Variants in TBC1D31 observed in about 807,000 individuals in gnomAD.
TBC1D31 encodes the protein TBC1 domain family member 31.
TBC1D31 carries 99 observed loss-of-function variants against 132.9 expected under a neutral mutation model. The ratio of observed to expected loss-of-function variants is 0.74; its 90% CI spans 0.63 to 0.88. The LOEUF (loss-of-function observed/expected upper bound fraction) is 0.88. Ranked by LOEUF, TBC1D31 falls within the 40% of genes least tolerant of loss-of-function variation. The probability of loss-of-function intolerance (pLI) is 0.00; values close to 1 mark genes in which losing one functional copy is unlikely to be tolerated. For missense variants in TBC1D31, 1,134 were observed against 1,256.6 expected (o/e 0.90, Z 1.48); for synonymous variants, 385 against 419.4 (o/e 0.92, Z 1.00).
intron 5 of TBC1D31, among the ~76,000 whole-genome samples, chr8:123,095,055 T>G (rs1816720748): frequency 6.6e-6 from 1 of 152,198 alleles, no homozygotes; most frequent in African/African-American, 2.4e-5. Flanking sequence ...ATTTCTCCTC[T>G]AGAGTTTTCT....
intron 1 of TBC1D31, among the ~76,000 whole-genome samples, chr8:123,075,308 A>G (rs1814388143): frequency 6.6e-6 from 1 of 152,232 alleles, no homozygotes; most frequent in Admixed American, 6.5e-5. Flanking sequence ...GAGTCTAAAA[A>G]GCCTTATGTT....
Position 123,151,794 on chromosome 8 carries a change from T to C in TBC1D31, c.3068-12T>C. Reference sequence around the variant, plus strand: ...AACTCAGCTTTTCTAAATTTTAAATTTCGTTTTCAAGTTTCTTTAAATAGA... The same window carrying C: ...AACTCAGCTTTTCTAAATTTTAAATCTCGTTTTCAAGTTTCTTTAAATAGA... On this transcript the variant is annotated splice_polypyrimidine_tract_variant and intron_variant, in intron 21 of 21. Coordinates refer to ENST00000287380, the MANE Select transcript of TBC1D31 (RefSeq NM_145647.4). The C allele has an allele frequency of 6.5e-7, 1 of 1,549,436 alleles. No homozygotes were observed. The highest frequency in any genetic ancestry group is 8.6e-7 in the Non-Finnish European group (1 of 1,160,074).
At chr8:123,080,766 A>G (rs1248629193) in intron 2 of TBC1D31, among the ~76,000 whole-genome samples, 1 of 151,856 alleles carries the variant, frequency 6.6e-6, no homozygotes, top group Non-Finnish European at 1.5e-5. Flanking sequence ...CGATCTCCTG[A>G]CCTCGTGATC....
chr8:123,127,261 ATTTTTT>A (rs35198781), intron 13 of TBC1D31, among the ~76,000 whole-genome samples: 4 of 69,916 alleles, frequency 5.7e-5, no homozygotes, highest in African/African-American at 2.4e-4. Flanking sequence ...TGCTTTTTGC[ATTTTTT>A]TTTTTTTTTT....
At chr8:123,158,320 C>G in the TBC1D31 span, among the ~76,000 whole-genome samples, 2 of 152,082 alleles carry the variant, frequency 1.3e-5, no homozygotes, top group African/African-American at 2.4e-5. Context: ...CAGACAGTGG[C>G]ACATTGAGGA....
rs113133107 is a variant in TBC1D31 at position 123,093,675 on chromosome 8, T to C, written c.604T>C (p.Cys202Arg). The stretch of plus-strand genomic sequence containing the variant: ...TGCCTGGGAATGTGACACACTTTTT[T>C]GCAAATATCAATTGCCAGCTCCACC... ...IFAWECDTLFCKYQLPAPPES... is the reference protein window; with the variant it reads ...IFAWECDTLFRKYQLPAPPES... The change falls in exon 5 of 22, where the codon TGC becomes CGC. Residue 202 changes from cysteine (C) to arginine (R), a missense_variant. Transcript: ENST00000287380. The C allele has an allele frequency of 1.9e-6, 3 of 1,611,756 alleles. No homozygotes were observed. Among genetic ancestry groups the C allele is most frequent in the Non-Finnish European group, 2.5e-6 (3 of 1,178,324 alleles).
chr8:123,146,908 C>T (rs1822270485), intron 20 of TBC1D31, among the ~76,000 whole-genome samples: 2 of 151,968 alleles, frequency 1.3e-5, no homozygotes, highest in African/African-American at 4.8e-5. Flanking sequence ...AACTCCTGGC[C>T]TCGAGTGATC....
intron 8 of TBC1D31, among the ~76,000 whole-genome samples, chr8:123,107,953 AAAGAAGCTTCAATGGCAG>A (rs1818091873): frequency 6.6e-6 from 1 of 152,216 alleles, no homozygotes; most frequent in South Asian, 2.1e-4. Flanking sequence ...CTTTGTTTAA[AAAGAAGCTTCAATGGCAG>A]CAGGTATCTT....
chr8:123,160,336 C>T, the TBC1D31 span, among the ~76,000 whole-genome samples: 5 of 152,070 alleles, frequency 3.3e-5, no homozygotes, highest in African/African-American at 9.7e-5. Context: ...CATACTTGAA[C>T]TATGTTAATC....
intron 4 of TBC1D31, among the ~76,000 whole-genome samples, chr8:123,085,789 C>T (rs7836014): frequency 0.19 from 29,013 of 152,140 alleles, 2,789 homozygotes; most frequent in Middle Eastern, 0.26. Context: ...TTTAGAATTC[C>T]ATTGTGTAAA....
chr8:123,073,175 T>A (rs1814090061), intron 1 of TBC1D31: 1 of 480,512 alleles, frequency 2.1e-6, no homozygotes, highest in Non-Finnish European at 4.0e-6. Flanking sequence ...TGGCACGTAG[T>A]AGGTGCTCAG....
the TBC1D31 span, among the ~76,000 whole-genome samples, chr8:123,164,507 A>G: frequency 6.6e-6 from 1 of 152,176 alleles, no homozygotes; most frequent in Non-Finnish European, 1.5e-5. Context: ...AGATAGTTTG[A>G]GGTCAGGAGT....
At chr8:123,143,764 C>G (rs529316565) in intron 19 of TBC1D31, among the ~76,000 whole-genome samples, 4 of 152,264 alleles carry the variant, frequency 2.6e-5, no homozygotes, top group African/African-American at 9.6e-5. Flanking sequence ...AACCCTGAGG[C>G]TGTTCTCAGG....
At chr8:123,075,824 T>A (rs1327124422) in intron 1 of TBC1D31, among the ~76,000 whole-genome samples, 1 of 152,216 alleles carries the variant, frequency 6.6e-6, no homozygotes, top group African/African-American at 2.4e-5. Flanking sequence ...GACGAGAATA[T>A]ACGCACATAT....
At chr8:123,083,434 T>C (rs1815389737) in intron 3 of TBC1D31, 1 of 152,164 alleles carries the variant, frequency 6.6e-6, no homozygotes, top group African/African-American at 2.4e-5. Context: ...TTATTTTTTA[T>C]TTTTTTAGAG....
intron 4 of TBC1D31, among the ~76,000 whole-genome samples, chr8:123,087,375 T>A (rs1180478641): frequency 2.0e-5 from 3 of 152,236 alleles, no homozygotes; most frequent in African/African-American, 7.2e-5. Context: ...GTTATTAACA[T>A]GAACAGCTAG....
At chr8:123,080,957 C>G (rs1184103680) in intron 2 of TBC1D31, among the ~76,000 whole-genome samples, 4 of 152,152 alleles carry the variant, frequency 2.6e-5, no homozygotes, top group African/African-American at 9.7e-5. Context: ...TGTGGCTGAG[C>G]AGTTAGCAGC....
intron 20 of TBC1D31, among the ~76,000 whole-genome samples, chr8:123,147,840 T>G (rs1290307234): frequency 2.0e-5 from 3 of 151,960 alleles, no homozygotes; most frequent in Non-Finnish European, 4.4e-5. Flanking sequence ...GAAAATGACA[T>G]TTTTGAGCCC....
intron 4 of TBC1D31, among the ~76,000 whole-genome samples, chr8:123,090,223 C>T (rs1816196881): frequency 2.0e-5 from 3 of 152,010 alleles, no homozygotes; most frequent in South Asian, 4.2e-4. Flanking sequence ...GAAGGGAAAC[C>T]GAAGTTCAGA....
Sources: allele counts gnomAD v4.1 joint callset (sites outside exome capture counted in the v4.1 genomes callset), GRCh38; gene constraint gnomAD v4.1.1; transcripts MANE v1.5; gene names NCBI Gene and HGNC (gene_info 2026-07-23, HGNC 2026-07-21).